The following UGDH variants were observed in gnomAD, a reference collection of about 807,000 sequenced individuals.
UGDH encodes UDP-Glc dehydrogenase.
UGDH carries 38 observed loss-of-function variants against 50.6 expected under a neutral mutation model. That is an observed-to-expected ratio of 0.75 (90% CI 0.58 to 0.98). The LOEUF (loss-of-function observed/expected upper bound fraction) is 0.98. Among genes scored for constraint, UGDH ranks in the 50% least tolerant of loss-of-function variants. The pLI, the probability that UGDH is intolerant of heterozygous loss-of-function variation, is 0.00. For missense variants in UGDH, 465 were observed against 606.2 expected (o/e 0.77, Z 2.45); for synonymous variants, 168 against 199.9 (o/e 0.84, Z 1.35).
At chr4:39,523,431 G>T (rs1746748659) in intron 1 of UGDH, among the ~76,000 whole-genome samples, 1 of 152,054 alleles carries the variant, frequency 6.6e-6, no homozygotes, top group Non-Finnish European at 1.5e-5. Context: ...TGAATTATAT[G>T]ATTCAATTAA....
chr4:39,508,292 C>T (rs546910373), intron 7 of UGDH, among the ~76,000 whole-genome samples: 98 of 152,176 alleles, frequency 6.4e-4, no homozygotes, highest in Non-Finnish European at 9.7e-4. Flanking sequence ...TGCAGTGGAG[C>T]GATCATAAGT....
In UGDH at chr4:39,499,108, CTTAT is replaced by C. The variant is rs973709971; in HGVS notation, c.*1031_*1034del. ...TTATACATGAGATTATATTGGTTTC[CTTAT>C]TTAAAGAAAAAAATTACAATTAAGA... On this transcript the variant is annotated 3_prime_UTR_variant, in exon 12 of 12. Transcript: ENST00000316423. 6.6e-6 allele frequency: 1 copy of C among 151,168 alleles called. No individual in the cohort carries two copies. The highest frequency in any genetic ancestry group is 1.9e-4 in the East Asian group (1 of 5,180). 9.4% of individuals were successfully genotyped at this position (151,168 alleles called of 1,614,324 possible).
rs745343509 is a variant in UGDH, at chr4:39,505,322, T to C, written c.1086A>G (p.Ala362=). ...CTTTTGGATCATATATATGTAGATG[T>C]GCACCTTCATCCATCAAATATTTGC... The part of the protein sequence containing the change: ...YISKYLMDEG[A]HLHIYDPKVP... Residue 362 remains alanine (A), a synonymous_variant, in exon 9 of 12, where the codon GCA becomes GCG. Transcript: ENST00000316423. The C allele has an allele frequency of 1.9e-6, 3 of 1,591,516 alleles. No homozygotes were observed. Among genetic ancestry groups the C allele is most frequent in the East Asian group, 4.5e-5 (2 of 44,156 alleles).
At position 39,505,313 on chromosome 4, in the gene UGDH, A is replaced by T. The variant is rs1423124119; in HGVS notation, c.1095T>A (p.His365Gln). 5 of 1,598,960 alleles carry T rather than the reference A, an allele frequency of 3.1e-6. No individual in the cohort carries two copies. The highest frequency in any genetic ancestry group is 4.3e-6 in the Non-Finnish European group (5 of 1,174,018). The change falls in exon 9 of 12, where the codon CAT becomes CAA. Residue 365 changes from histidine (H) to glutamine (Q), a missense_variant. Physicochemically the swap from His to Gln is conservative, Grantham distance 24. Coordinates refer to ENST00000316423, the MANE Select transcript of UGDH (RefSeq NM_003359.4). ...KYLMDEGAHL[H>Q]IYDPKVPREQ... ...CCCTAGGTACTTTTGGATCATATAT[A>T]TGTAGATGTGCACCTTCATCCATCA...
intron 1 of UGDH, among the ~76,000 whole-genome samples, chr4:39,525,136 G>C (rs1239383641): frequency 6.6e-6 from 1 of 152,238 alleles, no homozygotes; most frequent in African/African-American, 2.4e-5. Flanking sequence ...TTAACATGGA[G>C]TTTGACATAG....
In UGDH at chr4:39,519,680, AGGT is replaced by A. The variant is rs1560268159; in HGVS notation, c.162+1668_162+1670del. 5.3e-5 allele frequency among the ~76,000 whole-genome samples: 8 copies of A among 152,122 alleles called. No homozygotes were observed. The South Asian group carries it at 1.7e-3, about 32-fold the overall frequency. On this transcript the variant is annotated intron_variant, in intron 2 of 11. Coordinates refer to ENST00000316423, the MANE Select transcript of UGDH (RefSeq NM_003359.4). ...CAGCCTCCCGAGTAGCTGGGATTAT[AGGT>A]GCGCACCACTGCACCCGGCTAATTT...
At chr4:39,509,245 C>G (rs1746139253) in intron 6 of UGDH, among the ~76,000 whole-genome samples, 1 of 151,844 alleles carries the variant, frequency 6.6e-6, no homozygotes, top group African/African-American at 2.4e-5. Flanking sequence ...CTCAGACTCC[C>G]AAAGTGCTGG....
intron 1 of UGDH, chr4:39,526,943 C>A: frequency 2.5e-6 from 3 of 1,178,278 alleles, no homozygotes; most frequent in Non-Finnish European, 3.4e-6. Context: ...AGGTCCCCAA[C>A]GAGAGAACCG....
chr4:39,501,490 G>A (rs564454954), intron 11 of UGDH, among the ~76,000 whole-genome samples: 1 of 151,246 alleles, frequency 6.6e-6, no homozygotes, highest in East Asian at 2.0e-4. Context: ...AGCCAGGATG[G>A]TCTCGATCTC....
intron 2 of UGDH, among the ~76,000 whole-genome samples, chr4:39,520,913 A>T (rs1398990055): frequency 6.6e-6 from 1 of 151,672 alleles, no homozygotes; most frequent in East Asian, 1.9e-4. Context: ...ACCTCTACTA[A>T]AATACAAAAA....
chr4:39,508,436 G>T (rs1259378991), intron 7 of UGDH, 130 bp downstream of exon 7: 1 of 806,660 alleles, frequency 1.2e-6, no homozygotes, highest in Non-Finnish European at 1.9e-6. Context: ...GTCTCACTAT[G>T]TTGCCCAGGC....
chr4:39,518,933 T>C (rs28473440), intron 2 of UGDH, among the ~76,000 whole-genome samples: 57,436 of 152,100 alleles, frequency 0.38, 13,341 homozygotes, highest in East Asian at 0.69. Context: ...TTTACTTATT[T>C]GGAGACAGAG....
At chr4:39,520,533 A>G (rs1311706285) in intron 2 of UGDH, among the ~76,000 whole-genome samples, 1 of 152,112 alleles carries the variant, frequency 6.6e-6, no homozygotes, top group Non-Finnish European at 1.5e-5. Flanking sequence ...AGTTAGAAGC[A>G]TATTTTTCTA....
intron 2 of UGDH, among the ~76,000 whole-genome samples, chr4:39,515,769 G>A (rs1349291155): frequency 2.0e-5 from 3 of 152,012 alleles, no homozygotes; most frequent in Admixed American, 6.6e-5. Context: ...GCACCATCTC[G>A]TCTCACTGCA....
Position 39,521,400 on chromosome 4 carries a change from T to C in UGDH, c.113A>G (p.Asn38Ser), listed in dbSNP as rs928688123. 15 of 1,613,026 alleles carry C rather than the reference T, an allele frequency of 9.3e-6. No individual in the cohort carries two copies. Among genetic ancestry groups the C allele is most frequent in the East Asian group, 4.5e-5 (2 of 44,826 alleles). Reference sequence around the variant, plus strand: ...ATTCCACGCATTGATTCTTGATTCATTGACATCAACAACCGTTACCCTGAT... The same window carrying C: ...ATTCCACGCATTGATTCTTGATTCACTGACATCAACAACCGTTACCCTGAT... ...PEIRVTVVDV[N>S]ESRINAWNSP... The change falls in exon 2 of 12, where the codon AAT becomes AGT. Residue 38 changes from asparagine (N) to serine (S), a missense_variant. Physicochemically the swap from Asn to Ser is conservative, Grantham distance 46. Transcript: ENST00000316423.
chr4:39,510,474 C>G lies in UGDH; in HGVS notation c.542G>C (p.Gly181Ala). ...DLKNPDRVLI[G>A]GDETPEGQRA... ...CTGGCCCTCTGGAGTTTCATCCCCTCCAATCAGTACTCTGTCTGGGTTCTT... is the reference window on the plus strand; with the variant it reads ...CTGGCCCTCTGGAGTTTCATCCCCTGCAATCAGTACTCTGTCTGGGTTCTT... Residue 181 changes from glycine to alanine, a missense_variant, in exon 5 of 12, where the codon GGA (glycine) becomes GCA (alanine). Gly to Ala is a moderately conservative substitution (Grantham distance 60). Transcript: ENST00000316423. 6.2e-7 allele frequency: 1 copy of G among 1,614,194 alleles called. No homozygotes were observed. The highest frequency in any genetic ancestry group is 8.5e-7 in the Non-Finnish European group (1 of 1,180,034).
At chr4:39,526,283 A>C (rs542651097) in intron 1 of UGDH, 1 of 152,258 alleles carries the variant, frequency 6.6e-6, no homozygotes, top group Non-Finnish European at 1.5e-5. Context: ...ACAAGAAGGA[A>C]GATGGATTAT....
chr4:39,526,904 CAA>C (rs1746920578), intron 1 of UGDH: 1 of 724,514 alleles, frequency 1.4e-6, no homozygotes, highest in African/African-American at 1.9e-5. Context: ...TAAACACAAA[CAA>C]AAGACTACGA....
At chr4:39,521,227 A>AT in intron 2 of UGDH, 124 bp downstream of exon 2, 2 of 1,020,454 alleles carry the variant, frequency 2.0e-6, no homozygotes, top group Non-Finnish European at 1.4e-6. Context: ...TTGTATCCAG[A>AT]TTTTTTTCAT....
Sources: allele counts gnomAD v4.1 joint callset (sites outside exome capture counted in the v4.1 genomes callset), GRCh38; gene constraint gnomAD v4.1.1; transcripts MANE v1.5; gene names NCBI Gene and HGNC (gene_info 2026-07-23, HGNC 2026-07-21).